The following NPEPL1 variants were observed in gnomAD, a reference collection of about 807,000 sequenced individuals.
The protein encoded by NPEPL1 is probable aminopeptidase NPEPL1.
In NPEPL1, 45 loss-of-function variants were observed where a neutral mutation model predicts 52.4. That is an observed-to-expected ratio of 0.86 (90% CI 0.68 to 1.10). NPEPL1 has a LOEUF of 1.10. NPEPL1 is among the 50% of genes least tolerant of loss of function. The probability of loss-of-function intolerance (pLI) is 0.00; values close to 1 mark genes in which losing one functional copy is unlikely to be tolerated. For synonymous variants in NPEPL1, 360 were observed against 314.7 expected (o/e 1.14, Z -1.52); for missense variants, 696 against 710.9 (o/e 0.98, Z 0.24).
intron 10 of NPEPL1, 33 bp from the exon 11 acceptor site, chr20:58,714,527 C>T: frequency 6.7e-7 from 1 of 1,502,554 alleles, no homozygotes; most frequent in Non-Finnish European, 9.0e-7. Context: ...GCCGGAGCAA[C>T]CCACAGGCAC....
chr20:58,694,918 G>A (rs904330045), intron 3 of NPEPL1, among the ~76,000 whole-genome samples: 7 of 150,446 alleles, frequency 4.7e-5, no homozygotes, highest in Non-Finnish European at 1.0e-4. Flanking sequence ...ATGTATGCAC[G>A]TGTGTGTGTA....
chr20:58,714,236 C>A, intron 10 of NPEPL1, 143 bp downstream of exon 10: 1 of 874,406 alleles, frequency 1.1e-6, no homozygotes, highest in Non-Finnish European at 1.7e-6. Flanking sequence ...GAGAGGCAGG[C>A]GTCAGGGCAC....
intron 3 of NPEPL1, 82 bp from the exon 4 acceptor site, chr20:58,698,602 C>T: frequency 1.8e-6 from 2 of 1,125,652 alleles, no homozygotes; most frequent in Non-Finnish European, 2.7e-6. Flanking sequence ...TTTGCCTCTG[C>T]TGCCTTTTGT....
chr20:58,715,120 G>T, intron 11 of NPEPL1, 48 bp from the exon 12 acceptor site: 1 of 1,552,570 alleles, frequency 6.4e-7, no homozygotes, highest in Non-Finnish European at 8.6e-7. Flanking sequence ...AACCCCTCCT[G>T]TGCTGCAGCC....
rs950778665 is a variant in NPEPL1 at position 58,707,157 on chromosome 20, G to C, written c.857G>C (p.Gly286Ala). ...TMPGMKRDCGGAAAVLGAFRA... is the reference protein window; with the variant it reads ...TMPGMKRDCGAAAAVLGAFRA... Reference sequence around the variant, plus strand: ...CCGGGGATGAAGCGAGACTGCGGGGGTGCTGCGGCCGTCCTGGGGGCCTTC... The same window carrying C: ...CCGGGGATGAAGCGAGACTGCGGGGCTGCTGCGGCCGTCCTGGGGGCCTTC... Residue 286 changes from glycine (G) to alanine (A), a missense_variant, in exon 7 of 12, where the codon GGT becomes GCT. Gly to Ala is a moderately conservative substitution (Grantham distance 60). Coordinates refer to ENST00000356091, the MANE Select transcript of NPEPL1 (RefSeq NM_024663.4). 4 of 1,552,694 alleles carry C rather than the reference G, an allele frequency of 2.6e-6. No homozygotes were observed. The highest frequency in any genetic ancestry group is 3.5e-6 in the Non-Finnish European group (4 of 1,147,864).
At chr20:58,702,536 GTTTT>G (rs201942484) in intron 6 of NPEPL1, among the ~76,000 whole-genome samples, 2 of 151,188 alleles carry the variant, frequency 1.3e-5, no homozygotes, top group African/African-American at 4.9e-5. Flanking sequence ...AGGGTTTTTT[GTTTT>G]TTTTTAATAG....
chr20:58,713,661 G>A lies in NPEPL1; in HGVS notation c.1125+118G>A. The A allele has an allele frequency of 7.4e-7, 1 of 1,352,088 alleles. No homozygotes were observed. The highest frequency in any genetic ancestry group is 1.5e-5 in the African/African-American group (1 of 68,312). The allele number at this position is 1,352,088 out of a possible 1,614,324, so 83.8% of individuals were successfully genotyped here. ...TGCCGTCAGGAAGTTTTCATAACTG[G>A]GCACGAGGAGGCAGGAGGAGCTGCC... is the stretch of plus-strand genomic sequence containing the variant. On this transcript the variant is annotated intron_variant, in intron 9 of 11. Transcript: ENST00000356091. This position sits in a 1 kb window ranked among gnomAD's most constrained non-coding sequence, Gnocchi z 4.6.
At chr20:58,698,640 T>C in intron 3 of NPEPL1, 44 bp from the exon 4 acceptor site, 1 of 1,499,570 alleles carries the variant, frequency 6.7e-7, no homozygotes, top group African/African-American at 1.4e-5. Flanking sequence ...GGGGAGAACA[T>C]CTGCCTCCCA....
At chr20:58,702,098 G>A (rs946033279) in intron 6 of NPEPL1, among the ~76,000 whole-genome samples, 4 of 152,244 alleles carry the variant, frequency 2.6e-5, no homozygotes, top group African/African-American at 7.2e-5. Context: ...ATCCGCAGCA[G>A]ACACTGCAAA....
Position 58,707,569 on chromosome 20 carries a change from C to T in NPEPL1, c.900+369C>T, listed in dbSNP as rs1002068652. Among the ~76,000 whole-genome samples, 124 of 152,232 alleles carry T rather than the reference C, an allele frequency of 8.1e-4. 8 individuals are homozygous for T. Among genetic ancestry groups the T allele is most frequent in the Non-Finnish European group, 5.9e-5 (4 of 68,032 alleles). On this transcript the variant is annotated intron_variant, in intron 7 of 11. Transcript: ENST00000356091. Reference sequence around the variant, plus strand: ...TCTGCGTACCCCTCCCGCAACCCTTCTTTGCAGCAGAGCTGCCTCTGGTGA... The same window carrying T: ...TCTGCGTACCCCTCCCGCAACCCTTTTTTGCAGCAGAGCTGCCTCTGGTGA...
intron 3 of NPEPL1, 23 bp from the exon 4 acceptor site, chr20:58,698,661 A>T: frequency 6.2e-7 from 1 of 1,604,898 alleles, no homozygotes. Context: ...CCTGGTCCCC[A>T]GTGATGGCCT....
chr20:58,696,004 C>T (rs1428817715), intron 3 of NPEPL1, among the ~76,000 whole-genome samples: 3 of 152,216 alleles, frequency 2.0e-5, no homozygotes, highest in African/African-American at 7.2e-5. Context: ...CCGACCTGCT[C>T]AGCCCTCTCC....
chr20:58,713,454 A>G lies in NPEPL1; in HGVS notation c.1036A>G (p.Arg346Gly). 6.2e-7 allele frequency: 1 copy of G among 1,610,632 alleles called. No homozygotes were observed. The highest frequency in any genetic ancestry group is 8.5e-7 in the Non-Finnish European group (1 of 1,178,634). The change falls in exon 9 of 12, where the codon AGG becomes GGG. Residue 346 changes from arginine (R) to glycine (G), a missense_variant. Arg to Gly is a moderately radical substitution (Grantham distance 125). Transcript: ENST00000356091. The surrounding 1 kb of genome is among the most constrained non-coding windows in gnomAD (Gnocchi z 4.6). ...AATCAACAACACGGATGCCGAGGGCAGGCTGGTGCTGGCAGATGGCGTGTC... is the reference window on the plus strand; with the variant it reads ...AATCAACAACACGGATGCCGAGGGCGGGCTGGTGCTGGCAGATGGCGTGTC... The part of the protein sequence containing the change: ...VEINNTDAEG[R>G]LVLADGVSYA...
rs947365090 is a variant in NPEPL1, at chr20:58,694,293, C to G, written c.337-129C>G. The G allele has an allele frequency of 5.3e-6, 5 of 939,496 alleles. 1 individual carries two copies. The highest frequency in any genetic ancestry group is 5.2e-5 in the Admixed American group (2 of 38,442). 58.2% of individuals were successfully genotyped at this position (939,496 alleles called of 1,614,324 possible). On this transcript the variant is annotated intron_variant, in intron 2 of 11. Transcript: ENST00000356091. ...GACCTGAGGGATGGGGTGGCGGCTG[C>G]TGTGGGACATCTCTGTCTAGATGTC...
At chr20:58,707,981 C>T (rs982044346) in intron 7 of NPEPL1, among the ~76,000 whole-genome samples, 1 of 152,152 alleles carries the variant, frequency 6.6e-6, no homozygotes, top group Non-Finnish European at 1.5e-5. Flanking sequence ...ACTTGGGAGG[C>T]TGAGGTGGCG....
At chr20:58,712,747 G>GC (rs2123151565) in intron 8 of NPEPL1, 168 bp downstream of exon 8, 1 of 693,340 alleles carries the variant, frequency 1.4e-6, no homozygotes, top group East Asian at 2.7e-5. Context: ...GGTAGCAGGC[G>GC]CACCTCACGT....
At chr20:58,714,181 G>T in intron 10 of NPEPL1, 88 bp downstream of exon 10, 1 of 1,440,062 alleles carries the variant, frequency 6.9e-7, no homozygotes, top group East Asian at 2.6e-5. Context: ...GTGCACCCAG[G>T]GAGCTGGGGC....
chr20:58,713,698 G>C lies in NPEPL1; in HGVS notation c.1125+155G>C. The C allele has an allele frequency of 8.3e-7, 1 of 1,197,828 alleles. No homozygotes were observed. The allele number at this position is 1,197,828 out of a possible 1,614,324, so 74.2% of individuals were successfully genotyped here. On this transcript the variant is annotated intron_variant, in intron 9 of 11. Transcript: ENST00000356091. The surrounding 1 kb of genome is among the most constrained non-coding windows in gnomAD (Gnocchi z 4.6). The stretch of plus-strand genomic sequence containing the variant: ...CAGGAGGAGCTGCCCGTCAAGCTTG[G>C]TGTGGGCAGTACCGAGGCCCAGGCT...
chr20:58,691,766 T>C (rs1340749675), upstream of NPEPL1: 4 of 1,518,902 alleles, frequency 2.6e-6, no homozygotes, highest in Middle Eastern at 1.7e-4. Flanking sequence ...GAGTGGCTTA[T>C]GGAACTACAT....
Sources: gnomAD v4.1 joint callset for allele counts (sites outside exome capture counted in the v4.1 genomes callset) on GRCh38, gnomAD v4.1.1 for gene constraint, Gnocchi (gnomAD v3.1) non-coding constraint, MANE v1.5 for transcripts, NCBI Gene and HGNC (gene_info 2026-07-23, HGNC 2026-07-21) for gene names.